Variants in PCDHA7 observed in about 807,000 individuals in gnomAD.
PCDHA7 encodes the protein protocadherin alpha 7.
In PCDHA7, 37 loss-of-function variants were observed where a neutral mutation model predicts 57.2. The ratio of observed to expected loss-of-function variants is 0.65; its 90% CI spans 0.50 to 0.85. The LOEUF is 0.85. PCDHA7 is among the 40% of genes least tolerant of loss of function. The probability of loss-of-function intolerance (pLI) is 0.00; values close to 1 mark genes in which losing one functional copy is unlikely to be tolerated. For synonymous variants in PCDHA7, 553 were observed against 558.8 expected (o/e 0.99, Z 0.15); for missense variants, 1,188 against 1,241.8 (o/e 0.96, Z 0.65).
chr5:140,853,830 G>A lies in PCDHA7; in HGVS notation c.2355+17092G>A, dbSNP rs1424828776. 1.9e-5 allele frequency: 19 copies of A among 986,508 alleles called. 1 individual carries two copies. The highest frequency in any genetic ancestry group is 2.2e-5 in the Non-Finnish European group (18 of 818,674). The allele number at this position is 986,508 out of a possible 1,614,324, so 61.1% of individuals were successfully genotyped here. On this transcript the variant is annotated intron_variant, in intron 1 of 3. Coordinates refer to ENST00000525929, the MANE Select transcript of PCDHA7 (RefSeq NM_018910.3). The stretch of plus-strand genomic sequence containing the variant: ...CACCTGAGATGATTCTCATACAACC[G>A]AAATTTTAGATCCATAGCCCTATTT...
At chr5:140,917,653 G>A (rs1400141765) in intron 1 of PCDHA7, among the ~76,000 whole-genome samples, 1 of 152,160 alleles carries the variant, frequency 6.6e-6, no homozygotes, top group Non-Finnish European at 1.5e-5. Flanking sequence ...GCAATATTGA[G>A]TAGGAAGTCC....
Position 140,841,739 on chromosome 5 carries a change from CTG to C in PCDHA7, c.2355+5003_2355+5004del, listed in dbSNP as rs2150321939. Reference sequence around the variant, plus strand: ...AGTGTTCCGGGTAAAAGACCAAAAGCTGTTTGTTTCAGAATCCAGAATGCCAG... The same window carrying C: ...AGTGTTCCGGGTAAAAGACCAAAAGCTTTGTTTCAGAATCCAGAATGCCAG... On this transcript the variant is annotated intron_variant, in intron 1 of 3. Coordinates refer to ENST00000525929, the MANE Select transcript of PCDHA7 (RefSeq NM_018910.3). 3 of 1,613,880 alleles carry C rather than the reference CTG, an allele frequency of 1.9e-6. No homozygotes were observed. In the East Asian group the frequency reaches 6.7e-5, roughly 36 times the overall value.
At chr5:140,928,656 T>C in intron 1 of PCDHA7, 1 of 1,614,232 alleles carries the variant, frequency 6.2e-7, no homozygotes, top group Middle Eastern at 1.6e-4. Flanking sequence ...CAGAGGATGC[T>C]GACAGTGGTT....
intron 1 of PCDHA7, chr5:140,884,248 G>T (rs1554181373): frequency 1.2e-6 from 2 of 1,613,458 alleles, no homozygotes; most frequent in East Asian, 4.5e-5. Flanking sequence ...CCGCGCTGAC[G>T]GCCACGGCAA....
chr5:140,928,293 G>GT (rs2085123670), intron 1 of PCDHA7: 1 of 1,614,032 alleles, frequency 6.2e-7, no homozygotes, highest in South Asian at 1.1e-5. Context: ...TAGGCCGAGT[G>GT]TTTGCCCAGG....
chr5:140,879,425 T>G (rs547741272), intron 1 of PCDHA7, among the ~76,000 whole-genome samples: 1 of 152,320 alleles, frequency 6.6e-6, no homozygotes, highest in East Asian at 1.9e-4. Flanking sequence ...GGAATGGAGA[T>G]GAACATTTAA....
chr5:140,921,941 A>G (rs1294349868), intron 1 of PCDHA7, among the ~76,000 whole-genome samples: 1 of 152,068 alleles, frequency 6.6e-6, no homozygotes, highest in Non-Finnish European at 1.5e-5. Context: ...ATAATTTTAC[A>G]CTTGTAAAAT....
intron 1 of PCDHA7, chr5:140,854,215 G>A: frequency 1.5e-6 from 1 of 645,326 alleles, no homozygotes; most frequent in Non-Finnish European, 1.9e-6. Flanking sequence ...TTCAATATTG[G>A]ACATCTACAT....
chr5:140,920,133 C>A (rs1463322279), intron 1 of PCDHA7, among the ~76,000 whole-genome samples: 7 of 152,178 alleles, frequency 4.6e-5, no homozygotes, highest in African/African-American at 1.4e-4. Flanking sequence ...AGTTTTAATT[C>A]TCCTCTCCAA....
intron 1 of PCDHA7, among the ~76,000 whole-genome samples, chr5:140,924,235 G>C (rs1320085802): frequency 6.6e-6 from 1 of 152,208 alleles, no homozygotes; most frequent in Non-Finnish European, 1.5e-5. Flanking sequence ...TTTATGGGCT[G>C]TTTTGCATCC....
chr5:140,953,607 G>A (rs1040886184), intron 1 of PCDHA7, among the ~76,000 whole-genome samples: 21 of 152,152 alleles, frequency 1.4e-4, no homozygotes, highest in African/African-American at 4.8e-4. Flanking sequence ...ATTCCCCAGA[G>A]TCCTTAGATA....
chr5:140,896,491 T>A (rs2065573741), intron 1 of PCDHA7, among the ~76,000 whole-genome samples: 1 of 152,042 alleles, frequency 6.6e-6, no homozygotes, highest in South Asian at 2.1e-4. Flanking sequence ...GCCTCCTGAG[T>A]AGCTGGGACT....
At chr5:140,964,721 C>T (rs2095851062) in intron 1 of PCDHA7, among the ~76,000 whole-genome samples, 1 of 151,598 alleles carries the variant, frequency 6.6e-6, no homozygotes, top group East Asian at 1.9e-4. Flanking sequence ...CAAATTACCA[C>T]AGCAAACTGA....
At chr5:140,909,045 G>A (rs1407145935) in intron 1 of PCDHA7, among the ~76,000 whole-genome samples, 1 of 152,112 alleles carries the variant, frequency 6.6e-6, no homozygotes, top group African/African-American at 2.4e-5. Flanking sequence ...TCCATACTCT[G>A]GCATGCAAAT....
At chr5:140,939,262 T>G (rs1371349789) in intron 1 of PCDHA7, among the ~76,000 whole-genome samples, 1 of 152,146 alleles carries the variant, frequency 6.6e-6, no homozygotes, top group Non-Finnish European at 1.5e-5. Context: ...GGAACCTCTT[T>G]TATGAGAGCT....
chr5:140,978,794 TG>T (rs1179958432), intron 1 of PCDHA7, 154 bp from the exon 2 acceptor site: 8 of 978,628 alleles, frequency 8.2e-6, no homozygotes, highest in Non-Finnish European at 9.7e-6. Context: ...GTGCTATATA[TG>T]TAGATATCAT....
chr5:140,853,035 T>C (rs1292351508), intron 1 of PCDHA7: 9 of 256,094 alleles, frequency 3.5e-5, no homozygotes, highest in South Asian at 1.5e-4. Context: ...CCTGCCACCA[T>C]GCCCGCCTAA....
intron 3 of PCDHA7, among the ~76,000 whole-genome samples, chr5:140,989,275 G>A (rs2097335515): frequency 6.6e-6 from 1 of 152,096 alleles, no homozygotes; most frequent in African/African-American, 2.4e-5. Context: ...TTTCTGCTGG[G>A]GACATCTCAG....
At chr5:140,948,764 G>A (rs962710607) in intron 1 of PCDHA7, among the ~76,000 whole-genome samples, 11 of 150,728 alleles carry the variant, frequency 7.3e-5, no homozygotes, top group East Asian at 3.9e-4. Context: ...GATTTTTTTC[G>A]AATAGCCAGC....
Sources: gnomAD v4.1 joint callset for allele counts (sites outside exome capture counted in the v4.1 genomes callset) on GRCh38, gnomAD v4.1.1 for gene constraint, MANE v1.5 for transcripts, NCBI Gene and HGNC (gene_info 2026-07-23, HGNC 2026-07-21) for gene names.